Variants in GRM8 observed in about 807,000 individuals in gnomAD.
The protein encoded by GRM8 is metabotropic glutamate receptor 8.
A neutral mutation model predicts 87.2 loss-of-function variants in GRM8; 47 were observed. That is an observed-to-expected ratio of 0.54 (90% CI 0.43 to 0.69). The LOEUF is 0.69. GRM8 is among the 30% of genes least tolerant of loss of function. The probability of loss-of-function intolerance (pLI) is 0.00; values close to 1 mark genes in which losing one functional copy is unlikely to be tolerated. For synonymous variants in GRM8, 396 were observed against 404.5 expected (o/e 0.98, Z 0.25); for missense variants, 1,019 against 1,139.2 (o/e 0.89, Z 1.52).
Position 126,486,490 on chromosome 7 carries a change from T to C in GRM8, c.2431-40118A>G, listed in dbSNP as rs145153138. ...CCCTCCCTCAAAGTGCCTTCTGGTT[T>C]CGCCTGAAGGTTACACTTCCCAGCC... On this transcript the variant is annotated intron_variant, in intron 9 of 10. Transcript: ENST00000339582. Among the ~76,000 whole-genome samples the C allele has an allele frequency of 1.3e-4, 20 of 152,158 alleles. No homozygotes were observed. The East Asian group carries it at 3.9e-3, about 30-fold the overall frequency.
intron 3 of GRM8, among the ~76,000 whole-genome samples, chr7:126,992,806 CGTGT>C (rs34876222): frequency 3.7e-4 from 54 of 147,378 alleles, no homozygotes; most frequent in South Asian, 2.4e-3. Flanking sequence ...TCTCTCTCTC[CGTGT>C]GTGTGTGTGT....
At chr7:126,450,837 G>C (rs1802542389) in intron 9 of GRM8, among the ~76,000 whole-genome samples, 1 of 151,786 alleles carries the variant, frequency 6.6e-6, no homozygotes. Context: ...TTTTGTTCCT[G>C]TCTTGTTTAC....
intron 7 of GRM8, among the ~76,000 whole-genome samples, chr7:126,734,709 T>C (rs2402824): frequency 0.023 from 3,558 of 152,078 alleles, 142 homozygotes; most frequent in African/African-American, 0.082. Flanking sequence ...ATACGTATTT[T>C]TAAAAGTCCT....
intron 2 of GRM8, among the ~76,000 whole-genome samples, chr7:127,168,805 T>C (rs1793606892): frequency 6.7e-6 from 1 of 150,330 alleles, no homozygotes; most frequent in Non-Finnish European, 1.5e-5. Flanking sequence ...AGTTGAACCA[T>C]GAGAACACAT....
chr7:126,604,154 CAT>C (rs1798110285), intron 8 of GRM8, among the ~76,000 whole-genome samples: 1 of 151,884 alleles, frequency 6.6e-6, no homozygotes, highest in African/African-American at 2.4e-5. Flanking sequence ...TAGGAAAATA[CAT>C]ACATTCAATT....
chr7:126,882,279 G>A (rs1216547397), intron 6 of GRM8, among the ~76,000 whole-genome samples: 3 of 151,838 alleles, frequency 2.0e-5, no homozygotes, highest in African/African-American at 7.2e-5. Flanking sequence ...TATTTGGATT[G>A]ACCTAGAAAT....
At chr7:127,130,430 G>A (rs1311740609) in intron 2 of GRM8, among the ~76,000 whole-genome samples, 1 of 152,170 alleles carries the variant, frequency 6.6e-6, no homozygotes, top group Non-Finnish European at 1.5e-5. Context: ...TGCTGATAGT[G>A]ATATGGACAA....
At chr7:127,090,039 T>C (rs879503847) in intron 3 of GRM8, among the ~76,000 whole-genome samples, 4 of 152,168 alleles carry the variant, frequency 2.6e-5, no homozygotes, top group African/African-American at 4.8e-5. Context: ...GTGATTCCCA[T>C]CCTCCATGCC....
intron 9 of GRM8, among the ~76,000 whole-genome samples, chr7:126,506,156 C>T (rs1810431758): frequency 6.6e-6 from 1 of 152,040 alleles, no homozygotes; most frequent in East Asian, 1.9e-4. Flanking sequence ...AACATTGTTG[C>T]AAATGGCAGG....
chr7:126,543,169 G>C (rs1281808493), intron 8 of GRM8, among the ~76,000 whole-genome samples: 1 of 152,074 alleles, frequency 6.6e-6, no homozygotes, highest in East Asian at 1.9e-4. Context: ...TTCTTCCATG[G>C]ACTTTTACAG....
chr7:127,186,981 T>C (rs568146107), intron 2 of GRM8, among the ~76,000 whole-genome samples: 1 of 152,308 alleles, frequency 6.6e-6, no homozygotes, highest in South Asian at 2.1e-4. Flanking sequence ...GTTCTGGCAG[T>C]TGGAGTTATA....
At chr7:126,724,523 A>G (rs1260124533) in intron 7 of GRM8, among the ~76,000 whole-genome samples, 1 of 152,142 alleles carries the variant, frequency 6.6e-6, no homozygotes, top group Non-Finnish European at 1.5e-5. Context: ...TGATAATTAT[A>G]AAGCAATCAG....
At chr7:126,786,975 G>T (rs1820688671) in intron 6 of GRM8, among the ~76,000 whole-genome samples, 1 of 152,078 alleles carries the variant, frequency 6.6e-6, no homozygotes, top group Non-Finnish European at 1.5e-5. Flanking sequence ...CACAATGCTG[G>T]CTCTTTTCTG....
At chr7:127,053,798 A>AAGGG (rs1554580043) in intron 3 of GRM8, among the ~76,000 whole-genome samples, 8 of 104,396 alleles carry the variant, frequency 7.7e-5, no homozygotes, top group African/African-American at 1.5e-4. Context: ...AAAAAAAAAA[A>AAGGG]GGGGGGGGGG....
rs2151605882 is a variant in GRM8, at chr7:126,769,916, T to C, written c.1306A>G (p.Thr436Ala). Residue 436 changes from threonine to alanine, a missense_variant, in exon 7 of 11, where the codon ACC becomes GCC. Physicochemically the swap from Thr to Ala is moderately conservative, Grantham distance 58. Coordinates refer to ENST00000339582, the MANE Select transcript of GRM8 (RefSeq NM_000845.3). The part of the protein sequence containing the change: ...GYIGLCPRMS[T>A]IDGKELLGYI... ...CCAAGTAGCTCTTTCCCATCAATGGTACTCATTCGTGGACAAAGGCCAATG... is the reference window on the plus strand; with the variant it reads ...CCAAGTAGCTCTTTCCCATCAATGGCACTCATTCGTGGACAAAGGCCAATG... The C allele has an allele frequency of 6.2e-7, 1 of 1,612,964 alleles. No homozygotes were observed. The highest frequency in any genetic ancestry group is 1.3e-5 in the African/African-American group (1 of 75,000).
intron 7 of GRM8, among the ~76,000 whole-genome samples, chr7:126,611,178 T>C (rs1798878134): frequency 6.6e-6 from 1 of 152,208 alleles, no homozygotes; most frequent in South Asian, 2.1e-4. Context: ...CAAGCAGTAC[T>C]ATCTTAGCTA....
chr7:126,631,110 C>T (rs1045153043), intron 7 of GRM8, among the ~76,000 whole-genome samples: 1 of 152,112 alleles, frequency 6.6e-6, no homozygotes, highest in Non-Finnish European at 1.5e-5. Context: ...TTGTAGATGA[C>T]ATGATCCTAT....
chr7:127,190,905 T>A (rs1794995173), intron 2 of GRM8, among the ~76,000 whole-genome samples: 1 of 152,224 alleles, frequency 6.6e-6, no homozygotes, highest in African/African-American at 2.4e-5. Flanking sequence ...ATGGGTATTC[T>A]TTAGTCAAAT....
chr7:126,608,555 C>CTGAATTAA (rs1554418663), intron 8 of GRM8, among the ~76,000 whole-genome samples: 1 of 152,104 alleles, frequency 6.6e-6, no homozygotes, highest in Non-Finnish European at 1.5e-5. Flanking sequence ...TTAATGGACA[C>CTGAATTAA]TGGACCTGAA....
Sources: gnomAD v4.1 joint callset for allele counts (sites outside exome capture counted in the v4.1 genomes callset) on GRCh38, gnomAD v4.1.1 for gene constraint, MANE v1.5 for transcripts, NCBI Gene and HGNC (gene_info 2026-07-23, HGNC 2026-07-21) for gene names.